Variants in CSMD1 observed in about 807,000 individuals in gnomAD.
CSMD1 encodes CUB and Sushi multiple domains 1, also known as CUB and sushi domain-containing protein 1.
Under a neutral mutation model 417.5 loss-of-function variants are expected in CSMD1, and 213 were observed. That is an observed-to-expected ratio of 0.51 (90% confidence interval 0.46 to 0.57). The LOEUF (loss-of-function observed/expected upper bound fraction) is 0.57, where lower values mean the gene tolerates loss of function less well. Ranked by LOEUF, CSMD1 falls within the 20% of genes least tolerant of loss-of-function variation. The probability of loss-of-function intolerance (pLI) is 0.00; values close to 1 mark genes in which losing one functional copy is unlikely to be tolerated. For synonymous variants in CSMD1, 2,862 were observed against 1,736.8 expected, an observed-to-expected ratio of 1.65 and a Z score of -16.11; for missense variants, 6,923 against 4,529.7, an observed-to-expected ratio of 1.53 and a Z score of -15.17.
chr8:3,300,118 A>G (rs1804273611), intron 25 of CSMD1, among the ~76,000 whole-genome samples: 1 of 152,238 alleles, frequency 6.6e-6, no homozygotes, highest in East Asian at 1.9e-4. Context: ...GCAATGGAAT[A>G]CTATCCGGTA....
At chr8:3,368,464 G>T (rs1006712750) in intron 19 of CSMD1, among the ~76,000 whole-genome samples, 1 of 152,140 alleles carries the variant, frequency 6.6e-6, no homozygotes, top group Non-Finnish European at 1.5e-5. Flanking sequence ...TGCCCCCAGA[G>T]TAGCTGCGAT....
rs188469725 is a variant in CSMD1 at position 4,517,407 on chromosome 8, C to T, written c.303-97342G>A. On this transcript the variant is annotated intron_variant, in intron 2 of 69. Coordinates refer to ENST00000635120, the MANE Select transcript of CSMD1 (RefSeq NM_033225.6). The stretch of plus-strand genomic sequence containing the variant: ...TCTCCCAGACCACTGGCTTCCTCGC[C>T]TATAACACGCAGATAATAAAGAAGA... Among the ~76,000 whole-genome samples the T allele has an allele frequency of 8.5e-5, 13 of 152,254 alleles. 1 individual carries two copies. In the East Asian group the frequency reaches 2.5e-3, roughly 29 times the overall value.
intron 5 of CSMD1, among the ~76,000 whole-genome samples, chr8:3,831,324 T>A (rs1234921730): frequency 6.6e-6 from 1 of 152,166 alleles, no homozygotes; most frequent in Non-Finnish European, 1.5e-5. Context: ...TTCGGACAGC[T>A]CCATCTGTCT....
chr8:3,603,052 C>A (rs1661384758), intron 8 of CSMD1, among the ~76,000 whole-genome samples: 1 of 152,104 alleles, frequency 6.6e-6, no homozygotes, highest in South Asian at 2.1e-4. Context: ...TTATCAGAAG[C>A]AAGTTTAGCC....
intron 52 of CSMD1, among the ~76,000 whole-genome samples, chr8:3,016,710 C>T (rs1019821658): frequency 6.6e-6 from 1 of 152,168 alleles, no homozygotes; most frequent in Non-Finnish European, 1.5e-5. Context: ...TATCCAATAT[C>T]TACAACACAA....
chr8:4,301,546 T>G (rs1377433586), intron 3 of CSMD1, among the ~76,000 whole-genome samples: 1 of 152,232 alleles, frequency 6.6e-6, no homozygotes, highest in Non-Finnish European at 1.5e-5. Flanking sequence ...TGCAATGTTT[T>G]GGAATTCACC....
At chr8:4,209,342 C>T (rs1038994520) in intron 3 of CSMD1, among the ~76,000 whole-genome samples, 1 of 152,172 alleles carries the variant, frequency 6.6e-6, no homozygotes, top group Non-Finnish European at 1.5e-5. Flanking sequence ...CTCACAGGGA[C>T]AGAAAGAATT....
chr8:4,431,181 T>G (rs920690894), intron 2 of CSMD1, among the ~76,000 whole-genome samples: 1 of 152,160 alleles, frequency 6.6e-6, no homozygotes, highest in African/African-American at 2.4e-5. Flanking sequence ...GAGTAGGTAG[T>G]GACCCCTAGA....
chr8:2,942,189 G>A (rs1419335240), intron 69 of CSMD1, among the ~76,000 whole-genome samples: 1 of 152,024 alleles, frequency 6.6e-6, no homozygotes, highest in Non-Finnish European at 1.5e-5. Flanking sequence ...CTGGAGGGAG[G>A]GAGAGCATCA....
chr8:3,285,320 A>C (rs370559935), intron 25 of CSMD1, among the ~76,000 whole-genome samples: 2 of 152,152 alleles, frequency 1.3e-5, no homozygotes, highest in Middle Eastern at 3.2e-3. Context: ...TAAATCCTTA[A>C]ATATAGAGAA....
chr8:3,865,712 C>A (rs1414967908), intron 5 of CSMD1, among the ~76,000 whole-genome samples: 16 of 152,132 alleles, frequency 1.1e-4, no homozygotes, highest in Admixed American at 9.2e-4. Flanking sequence ...GTAAATACAA[C>A]AACAAAATCT....
intron 2 of CSMD1, among the ~76,000 whole-genome samples, chr8:4,427,688 T>G (rs1343578880): frequency 3.3e-5 from 5 of 152,168 alleles, no homozygotes; most frequent in Admixed American, 1.3e-4. Flanking sequence ...CCTATTACAT[T>G]TATGTATTTT....
At chr8:4,708,667 C>A (rs1280873766) in intron 1 of CSMD1, among the ~76,000 whole-genome samples, 1 of 151,014 alleles carries the variant, frequency 6.6e-6, no homozygotes, top group Non-Finnish European at 1.5e-5. Flanking sequence ...CCATCCTAAC[C>A]AGATTCATTT....
chr8:4,097,579 C>G (rs920945698), intron 3 of CSMD1, among the ~76,000 whole-genome samples: 1 of 152,160 alleles, frequency 6.6e-6, no homozygotes, highest in African/African-American at 2.4e-5. Context: ...CAGTATGATT[C>G]TAGTAACACC....
intron 1 of CSMD1, among the ~76,000 whole-genome samples, chr8:4,717,374 T>TAC (rs751985785): frequency 2.1e-5 from 3 of 141,178 alleles, no homozygotes; most frequent in Non-Finnish European, 4.5e-5. Flanking sequence ...CACATATATA[T>TAC]ACACACACAC....
chr8:4,175,445 T>A (rs541153601), intron 3 of CSMD1, among the ~76,000 whole-genome samples: 1 of 147,778 alleles, frequency 6.8e-6, no homozygotes, highest in East Asian at 2.1e-4. Flanking sequence ...AATTGACATC[T>A]TTATTTTATG....
intron 2 of CSMD1, among the ~76,000 whole-genome samples, chr8:4,576,218 C>T (rs185483367): frequency 1.2e-4 from 18 of 152,332 alleles, no homozygotes; most frequent in Non-Finnish European, 2.4e-4. Context: ...CCAGTCCCCA[C>T]CTCGTCTTCT....
intron 7 of CSMD1, among the ~76,000 whole-genome samples, chr8:3,696,343 G>T (rs1800551325): frequency 6.6e-6 from 1 of 152,098 alleles, no homozygotes; most frequent in Non-Finnish European, 1.5e-5. Flanking sequence ...ATTACCCAAT[G>T]TGTTCACCTT....
intron 69 of CSMD1, among the ~76,000 whole-genome samples, chr8:2,941,523 G>C (rs1513336): frequency 0.29 from 44,707 of 151,978 alleles, 6,710 homozygotes; most frequent in Non-Finnish European, 0.33. Flanking sequence ...ATTCCTCCAG[G>C]TAATGTATTA....
Sources: gnomAD v4.1 joint callset for allele counts (sites outside exome capture counted in the v4.1 genomes callset) on GRCh38, gnomAD v4.1.1 for gene constraint, MANE v1.5 for transcripts, NCBI Gene and HGNC (gene_info 2026-07-23, HGNC 2026-07-21) for gene names.